SPON1: variants seen among roughly 807,000 people sequenced by gnomAD.
SPON1 encodes the protein spondin 1, also known as spondin-1.
A neutral mutation model predicts 111.7 loss-of-function variants in SPON1; 52 were observed. The ratio of observed to expected loss-of-function variants is 0.47; its 90% CI spans 0.37 to 0.59. The LOEUF is 0.59. SPON1 is among the 20% of genes least tolerant of loss of function. The pLI, the probability that SPON1 is intolerant of heterozygous loss-of-function variation, is 0.00. For synonymous variants in SPON1, 410 were observed against 395.8 expected, an observed-to-expected ratio of 1.04 and a Z score of -0.43; for missense variants, 957 against 1,068.5, an observed-to-expected ratio of 0.90 and a Z score of 1.46.
chr11:13,981,271 A>T (rs950437442), intron 1 of SPON1, among the ~76,000 whole-genome samples: 2 of 152,164 alleles, frequency 1.3e-5, no homozygotes, highest in African/African-American at 4.8e-5. Flanking sequence ...GTCCAATGGG[A>T]TGGAGGACCA....
chr11:13,999,621 G>A (rs1236537329), intron 2 of SPON1, among the ~76,000 whole-genome samples: 1 of 152,084 alleles, frequency 6.6e-6, no homozygotes, highest in African/African-American at 2.4e-5. Flanking sequence ...TGGCCAAGCT[G>A]GTTTTGAACT....
At chr11:14,012,588 C>T (rs147074173) in intron 2 of SPON1, among the ~76,000 whole-genome samples, 49 of 152,262 alleles carry the variant, frequency 3.2e-4, no homozygotes, top group African/African-American at 1.1e-3. Context: ...TTTTGTCCAC[C>T]GATTTGGCAA....
intron 2 of SPON1, among the ~76,000 whole-genome samples, chr11:14,028,047 C>T (rs781877673): frequency 5.9e-5 from 9 of 152,126 alleles, no homozygotes; most frequent in Admixed American, 2.0e-4. Flanking sequence ...TTAAATCCAG[C>T]GGTTATTAGC....
intron 3 of SPON1, among the ~76,000 whole-genome samples, chr11:14,062,334 C>T (rs914059664): frequency 3.9e-5 from 6 of 152,126 alleles, no homozygotes; most frequent in African/African-American, 1.4e-4. Context: ...TGCAGTTAAT[C>T]GGTTTCTCCA....
intron 6 of SPON1, among the ~76,000 whole-genome samples, chr11:14,214,814 GC>G (rs1375939985): frequency 6.6e-6 from 1 of 152,134 alleles, no homozygotes; most frequent in African/African-American, 2.4e-5. Flanking sequence ...AACTCCTCTT[GC>G]CCCTGTAACA....
At chr11:14,216,554 T>C (rs1848628573) in intron 6 of SPON1, among the ~76,000 whole-genome samples, 2 of 152,178 alleles carry the variant, frequency 1.3e-5, no homozygotes, top group African/African-American at 4.8e-5. Flanking sequence ...AGCTTCATAG[T>C]TCTGGAGGCT....
At chr11:14,070,214 G>T (rs1018107120) in intron 3 of SPON1, among the ~76,000 whole-genome samples, 1 of 152,124 alleles carries the variant, frequency 6.6e-6, no homozygotes, top group African/African-American at 2.4e-5. Flanking sequence ...TTATAAACTG[G>T]ACCAACTCTA....
intron 6 of SPON1, among the ~76,000 whole-genome samples, chr11:14,197,324 A>G (rs990381660): frequency 7.0e-4 from 106 of 152,012 alleles, no homozygotes; most frequent in African/African-American, 2.3e-3. Context: ...CTTACATTTC[A>G]CTGTGCATAG....
intron 2 of SPON1, among the ~76,000 whole-genome samples, chr11:13,990,710 C>T (rs1554911062): frequency 6.6e-6 from 1 of 151,878 alleles, no homozygotes; most frequent in South Asian, 2.1e-4. Context: ...TGGCTGATAC[C>T]AGTTGTTCCT....
intron 6 of SPON1, among the ~76,000 whole-genome samples, chr11:14,155,680 G>A (rs1167479767): frequency 3.4e-5 from 5 of 148,336 alleles, no homozygotes; most frequent in African/African-American, 7.4e-5. Context: ...TCCCCAGAGT[G>A]TGATGTTCCC....
At chr11:14,230,897 T>C (rs573430748) in intron 6 of SPON1, among the ~76,000 whole-genome samples, 1 of 152,014 alleles carries the variant, frequency 6.6e-6, no homozygotes, top group South Asian at 2.1e-4. Flanking sequence ...CAAGCGATCC[T>C]CCCACCTCAG....
chr11:13,971,790 A>G (rs1346337700), intron 1 of SPON1, among the ~76,000 whole-genome samples: 15 of 152,150 alleles, frequency 9.9e-5, no homozygotes, highest in African/African-American at 3.6e-4. Flanking sequence ...TGACCAGTGG[A>G]ATATCCTCAA....
chr11:14,193,210 G>T (rs543064806), intron 6 of SPON1, among the ~76,000 whole-genome samples: 2 of 152,316 alleles, frequency 1.3e-5, no homozygotes, highest in East Asian at 3.9e-4. Flanking sequence ...TCAGCAGCAA[G>T]TGTGGTGAGA....
intron 3 of SPON1, among the ~76,000 whole-genome samples, chr11:14,047,264 T>C (rs1591360925): frequency 6.6e-6 from 1 of 152,230 alleles, no homozygotes; most frequent in Admixed American, 6.5e-5. Context: ...ACTATTTTAC[T>C]TTTAAGTGTA....
chr11:14,255,261 T>C (rs1554941066), intron 8 of SPON1, among the ~76,000 whole-genome samples: 1 of 152,214 alleles, frequency 6.6e-6, no homozygotes, highest in East Asian at 1.9e-4. Context: ...AGTTGAATAT[T>C]AGCAACAGAC....
intron 5 of SPON1, among the ~76,000 whole-genome samples, chr11:14,101,266 G>A (rs886498932): frequency 6.6e-6 from 1 of 151,970 alleles, no homozygotes; most frequent in Non-Finnish European, 1.5e-5. Flanking sequence ...CGGGAGTGGT[G>A]GTGCATGCCT....
chr11:14,221,543 A>C (rs1848680951), intron 6 of SPON1, among the ~76,000 whole-genome samples: 1 of 152,190 alleles, frequency 6.6e-6, no homozygotes, highest in Non-Finnish European at 1.5e-5. Flanking sequence ...ACACAGTCAT[A>C]TAAAGCAAGA....
At chr11:14,025,546 G>T (rs1391675600) in intron 2 of SPON1, among the ~76,000 whole-genome samples, 1 of 152,196 alleles carries the variant, frequency 6.6e-6, no homozygotes, top group Non-Finnish European at 1.5e-5. Context: ...TGGAGCTGTC[G>T]ATTCCACTGC....
chr11:14,011,463 T>C (rs1200890181), intron 2 of SPON1, among the ~76,000 whole-genome samples: 2 of 150,562 alleles, frequency 1.3e-5, no homozygotes, highest in Admixed American at 1.3e-4. Flanking sequence ...CTGAGGCCTG[T>C]CCATGGCTGA....
Sources: allele counts gnomAD v4.1 joint callset (sites outside exome capture counted in the v4.1 genomes callset), GRCh38; gene constraint gnomAD v4.1.1; transcripts MANE v1.5; gene names NCBI Gene and HGNC (gene_info 2026-07-23, HGNC 2026-07-21).